The following ATP2B2 variants were observed in gnomAD, a reference collection of about 807,000 sequenced individuals.
The protein encoded by ATP2B2 is plasma membrane calcium-transporting ATPase 2.
In ATP2B2, 15 loss-of-function variants were observed where a neutral mutation model predicts 120.0. The observed-to-expected ratio is 0.12, with a 90% CI of 0.08 to 0.19. The LOEUF (loss-of-function observed/expected upper bound fraction) is 0.19, where lower values mean the gene tolerates loss of function less well. ATP2B2 is among the 10% of genes least tolerant of loss of function. The pLI is 1.00. For missense variants in ATP2B2, 1,045 were observed against 1,719.8 expected (o/e 0.61, Z 6.94); for synonymous variants, 694 against 700.3 (o/e 0.99, Z 0.14).
chr3:10,657,000 G>A (rs922103310), intron 1 of ATP2B2, among the ~76,000 whole-genome samples: 39 of 152,356 alleles, frequency 2.6e-4, no homozygotes, highest in African/African-American at 9.4e-4. Context: ...ACATGGAAAG[G>A]GGTTTGGGTT....
intron 1 of ATP2B2, among the ~76,000 whole-genome samples, chr3:10,486,328 T>TGTGCGTGC (rs149290932): frequency 2.3e-4 from 27 of 115,676 alleles, no homozygotes; most frequent in African/African-American, 7.4e-4. Context: ...TGCGTGCGTG[T>TGTGCGTGC]GTGTGTGTGT....
chr3:10,525,245 G>A (rs1454147171), intron 3 of ATP2B2, among the ~76,000 whole-genome samples: 1 of 152,240 alleles, frequency 6.6e-6, no homozygotes, highest in Non-Finnish European at 1.5e-5. Context: ...ACCCTTGGCA[G>A]CTAAAGCACC....
chr3:10,548,874 A>C (rs574627865), intron 2 of ATP2B2, among the ~76,000 whole-genome samples: 10 of 152,372 alleles, frequency 6.6e-5, no homozygotes, highest in Admixed American at 2.6e-4. Context: ...TCATATTTGA[A>C]CCCAGGCTTG....
rs892364787 is a variant in ATP2B2 at position 10,327,399 on chromosome 3, C to T, written c.*1415G>A. 5 of 152,540 alleles carry T rather than the reference C, an allele frequency of 3.3e-5. No individual in the cohort carries two copies. The highest frequency in any genetic ancestry group is 4.8e-5 in the African/African-American group (2 of 41,388). The allele number at this position is 152,540 out of a possible 1,614,324, so 9.4% of individuals were successfully genotyped here. ...CAATATACACATCATAAGGTTCATT[C>T]GGATCTAAATAGTGCAGAGAAAAAG... On this transcript the variant is annotated 3_prime_UTR_variant, in exon 23 of 23. Transcript: ENST00000360273.
chr3:10,694,296 G>A (rs946529552), intron 1 of ATP2B2, among the ~76,000 whole-genome samples: 1 of 152,090 alleles, frequency 6.6e-6, no homozygotes, highest in Non-Finnish European at 1.5e-5. Context: ...AGACTCCTTC[G>A]TACTACCCCT....
At position 10,554,072 on chromosome 3, in the gene ATP2B2, C is replaced by T. The variant is rs187612593; in HGVS notation, c.-414-19939G>A. On this transcript the variant is annotated intron_variant, in intron 2 of 21. Transcript: ENST00000646379. ...CAAGGCATAGGAAGGCATGAGGGCC[C>T]GGTGAGAGGCTGCCAGCTGCCATTG... Among the ~76,000 whole-genome samples, 154 of 152,104 alleles carry T rather than the reference C, an allele frequency of 1.0e-3. 1 individual carries two copies. Among genetic ancestry groups the T allele is most frequent in the Non-Finnish European group, 3.2e-4 (22 of 67,988 alleles).
At chr3:10,401,861 A>G (rs2062232163) in intron 4 of ATP2B2, among the ~76,000 whole-genome samples, 2 of 152,346 alleles carry the variant, frequency 1.3e-5, no homozygotes, top group African/African-American at 4.8e-5. Context: ...GGAGAGTGGT[A>G]GCACATGTGC....
At chr3:10,561,046 T>TA (rs1413951447) in intron 2 of ATP2B2, among the ~76,000 whole-genome samples, 1 of 152,188 alleles carries the variant, frequency 6.6e-6, no homozygotes, top group African/African-American at 2.4e-5. Context: ...CATCACCCTC[T>TA]AATCAAAAGC....
At chr3:10,422,710 G>A (rs534202551) in intron 2 of ATP2B2, among the ~76,000 whole-genome samples, 3 of 152,356 alleles carry the variant, frequency 2.0e-5, no homozygotes, top group East Asian at 1.9e-4. Context: ...ATAGTGCAGC[G>A]CTGGGTGGTT....
intron 1 of ATP2B2, among the ~76,000 whole-genome samples, chr3:10,472,652 T>G (rs2065060806): frequency 6.6e-6 from 1 of 152,178 alleles, no homozygotes; most frequent in African/African-American, 2.4e-5. Flanking sequence ...AGGCCTCCCC[T>G]GATTCTCCCA....
intron 2 of ATP2B2, among the ~76,000 whole-genome samples, chr3:10,569,270 G>T (rs1001897550): frequency 6.6e-6 from 1 of 152,022 alleles, no homozygotes; most frequent in African/African-American, 2.4e-5. Flanking sequence ...TCCTGGCTAC[G>T]CAGGTGATAT....
At chr3:10,381,184 T>C (rs1190760324) in intron 8 of ATP2B2, among the ~76,000 whole-genome samples, 1 of 152,202 alleles carries the variant, frequency 6.6e-6, no homozygotes, top group Admixed American at 6.5e-5. Context: ...TGGCCTCCCA[T>C]GGCAAAGGAT....
chr3:10,598,899 T>C (rs2068833770), intron 2 of ATP2B2, among the ~76,000 whole-genome samples: 1 of 152,226 alleles, frequency 6.6e-6, no homozygotes, highest in African/African-American at 2.4e-5. Flanking sequence ...TGGCACCTGT[T>C]CTCTCAGCCA....
chr3:10,346,453 C>T lies in ATP2B2; in HGVS notation c.2405-316G>A, dbSNP rs2060434983. 1.3e-5 allele frequency among the ~76,000 whole-genome samples: 2 copies of T among 152,234 alleles called. No individual in the cohort carries two copies. Among genetic ancestry groups the T allele is most frequent in the African/African-American group, 4.8e-5 (2 of 41,462 alleles). ...ATCCTAACCAGAAACACTGTATCCT[C>T]TAACTGTGCTCAGGGCCCCCTCTGC... is the stretch of plus-strand genomic sequence containing the variant. On this transcript the variant is annotated intron_variant, in intron 16 of 22. Transcript: ENST00000360273. This position sits in a 1 kb window ranked among gnomAD's most constrained non-coding sequence, Gnocchi z 4.1.
At chr3:10,632,429 A>G (rs2069893106) in intron 1 of ATP2B2, among the ~76,000 whole-genome samples, 1 of 152,024 alleles carries the variant, frequency 6.6e-6, no homozygotes, top group Admixed American at 6.5e-5. Context: ...TTTACGTGTT[A>G]CAGTTACTGT....
chr3:10,619,870 C>G (rs2069498383), intron 2 of ATP2B2: 1 of 152,134 alleles, frequency 6.6e-6, no homozygotes, highest in Admixed American at 6.5e-5. Flanking sequence ...TAGTGGGCTT[C>G]TATGGGTGCC....
chr3:10,599,565 C>T (rs546434248), intron 2 of ATP2B2, among the ~76,000 whole-genome samples: 36 of 152,140 alleles, frequency 2.4e-4, no homozygotes, highest in Admixed American at 1.6e-3. Flanking sequence ...AGCATGGGCC[C>T]GCCACCGAAT....
In ATP2B2 at chr3:10,445,851, C is replaced by T. The variant is rs74849597; in HGVS notation, c.199+3494G>A. On this transcript the variant is annotated intron_variant, in intron 2 of 22. Coordinates refer to ENST00000360273, the MANE Select transcript of ATP2B2 (RefSeq NM_001001331.4). ...GTGTCTGGAGCTGGCACAGCCCAGA[C>T]CACGGAGCTTTTAAACTGGGGCTGG... 5.3e-3 allele frequency among the ~76,000 whole-genome samples: 800 copies of T among 152,216 alleles called. 7 individuals carry two copies. Among genetic ancestry groups the T allele is most frequent in the African/African-American group, 0.018 (756 of 41,508 alleles).
intron 3 of ATP2B2, among the ~76,000 whole-genome samples, chr3:10,406,359 G>T (rs1344195568): frequency 1.3e-5 from 2 of 152,198 alleles, no homozygotes; most frequent in African/African-American, 4.8e-5. Flanking sequence ...GCTGGACAAG[G>T]TCCCTGTGGT....
Sources: gnomAD v4.1 joint callset for allele counts (sites outside exome capture counted in the v4.1 genomes callset) on GRCh38, gnomAD v4.1.1 for gene constraint, Gnocchi (gnomAD v3.1) non-coding constraint, MANE v1.5 for transcripts, NCBI Gene and HGNC (gene_info 2026-07-23, HGNC 2026-07-21) for gene names.